Variants in DNA2 observed in about 807,000 individuals in gnomAD.
DNA2 encodes the protein DNA replication ATP-dependent helicase/nuclease DNA2.
DNA2 carries 101 observed loss-of-function variants against 119.1 expected under a neutral mutation model. That is an observed-to-expected ratio of 0.85 (90% confidence interval 0.72 to 1.00). DNA2 has a LOEUF of 1.00. Ranked by LOEUF, DNA2 falls within the 50% of genes least tolerant of loss-of-function variation. The pLI, the probability that DNA2 is intolerant of heterozygous loss-of-function variation, is 0.00. For synonymous variants in DNA2, 366 were observed against 424.4 expected (o/e 0.86, Z 1.69); for missense variants, 1,121 against 1,255.5 (o/e 0.89, Z 1.62).
intron 9 of DNA2, among the ~76,000 whole-genome samples, chr10:68,441,280 G>A (rs1315139943): frequency 6.7e-6 from 1 of 148,714 alleles, no homozygotes; most frequent in African/African-American, 2.5e-5. Context: ...GCTACAGTGA[G>A]CCATGATTGC....
At chr10:68,427,019 A>T (rs1411591263) in intron 14 of DNA2, among the ~76,000 whole-genome samples, 2 of 152,104 alleles carry the variant, frequency 1.3e-5, no homozygotes, top group African/African-American at 4.8e-5. Flanking sequence ...AAAGCATATA[A>T]TCCAAAATGG....
chr10:68,425,270 A>G (rs2051724020), intron 14 of DNA2, among the ~76,000 whole-genome samples: 1 of 149,526 alleles, frequency 6.7e-6, no homozygotes, highest in Non-Finnish European at 1.5e-5. Context: ...AATTTTTTGT[A>G]TTTTTAGTAG....
rs2051594015 is a variant in DNA2 at position 68,416,752 on chromosome 10, G to A, written c.3071C>T (p.Pro1024Leu). The A allele has an allele frequency of 6.2e-7, 1 of 1,613,854 alleles. No individual in the cohort carries two copies. Residue 1024 changes from proline to leucine, a missense_variant, in exon 20 of 21, where the codon CCT becomes CTT. Transcript: ENST00000358410. ...ATGATTAAGCAGCTTCTCCAAAGGA[G>A]GATAGCAATTTAGTGAGGGCACACA... ...LGCVPSLNCY[P>L]PLEKLLNHLN...
At chr10:68,415,843 G>A (rs1480036416) in intron 20 of DNA2, among the ~76,000 whole-genome samples, 3 of 151,378 alleles carry the variant, frequency 2.0e-5, no homozygotes, top group East Asian at 2.0e-4. Flanking sequence ...TAGTAGAGAC[G>A]GGGTTTCACC....
At chr10:68,422,169 G>T in intron 17 of DNA2, 56 bp downstream of exon 17, 1 of 1,383,546 alleles carries the variant, frequency 7.2e-7, no homozygotes, top group South Asian at 1.5e-5. Context: ...TGAAAACTGA[G>T]AAATTTAAAT....
Position 68,430,459 on chromosome 10 carries a change from G to C in DNA2, c.2185C>G (p.Leu729Val), listed in dbSNP as rs2051805017. Reference sequence around the variant, plus strand: ...ACTTGACTATTGTAGAGTTCTTCTAGAAGAGCTAAGGATTTAATGGACTTT... The same window carrying C: ...ACTTGACTATTGTAGAGTTCTTCTACAAGAGCTAAGGATTTAATGGACTTT... ...RSKSIKSLAL[L>V]EELYNSQLIV... Residue 729 changes from leucine (L) to valine (V), a missense_variant, in exon 14 of 21, where the codon CTA becomes GTA. Physicochemically the swap from Leu to Val is conservative, Grantham distance 32. Transcript: ENST00000358410. The C allele has an allele frequency of 2.5e-6, 4 of 1,606,006 alleles. No homozygotes were observed. Among genetic ancestry groups the C allele is most frequent in the African/African-American group, 1.3e-5 (1 of 74,810 alleles).
Position 68,432,308 on chromosome 10 carries a change from G to GT in DNA2, c.1770dup (p.Leu591ThrfsTer7), listed in dbSNP as rs963766296. On this transcript the variant is annotated frameshift_variant, in exon 12 of 21. Coordinates refer to ENST00000358410, the MANE Select transcript of DNA2 (RefSeq NM_001080449.3). LOFTEE classifies it high-confidence loss of function. ...CGAAAGTCAATAATTAAATCTCGAA[G>GT]TTTTTTGCTGAAAAGTGAAAAAGCA... 1.3e-6 allele frequency: 2 copies of GT among 1,596,882 alleles called. No individual in the cohort carries two copies. Among genetic ancestry groups the GT allele is most frequent in the African/African-American group, 1.4e-5 (1 of 73,834 alleles).
intron 14 of DNA2, chr10:68,424,818 C>T (rs190448952): frequency 7.2e-6 from 7 of 975,552 alleles, no homozygotes; most frequent in Admixed American, 1.7e-5. Context: ...GCAGGTGCAG[C>T]GTGAGTAGGC....
At position 68,430,663 on chromosome 10, in the gene DNA2, A is replaced by G; in HGVS notation, c.1984-3T>C. On this transcript the variant is annotated splice_region_variant and splice_polypyrimidine_tract_variant and intron_variant, in intron 13 of 20. Coordinates refer to ENST00000358410, the MANE Select transcript of DNA2 (RefSeq NM_001080449.3). ...CCACAGGCGTAGAGAATTCTTACCT[A>G]ATAATGGGTAAGAGAAAAAAGAAAA... 6.5e-7 allele frequency: 1 copy of G among 1,548,340 alleles called. No individual in the cohort carries two copies. The highest frequency in any genetic ancestry group is 8.7e-7 in the Non-Finnish European group (1 of 1,148,454).
At chr10:68,445,204 C>T (rs2052022738) in intron 7 of DNA2, 121 bp from the exon 8 acceptor site, 1 of 911,646 alleles carries the variant, frequency 1.1e-6, no homozygotes, top group Non-Finnish European at 1.6e-6. Context: ...ATGGCTTACG[C>T]CTGTAATCCC....
At chr10:68,470,278 C>T (rs2052370101) in intron 1 of DNA2, 115 bp from the exon 2 acceptor site, 2 of 914,376 alleles carry the variant, frequency 2.2e-6, no homozygotes, top group Admixed American at 3.4e-5. Flanking sequence ...TTCTGAAAAG[C>T]TTATTGCAAT....
Position 68,422,533 on chromosome 10 carries a change from A to T in DNA2, c.2474T>A (p.Val825Glu). The stretch of plus-strand genomic sequence containing the variant: ...CAAATACCTGTTCATTCTGTACTGC[A>T]CGGTTAACTGTACAACAGCACTCTT... ...QNKSAVVQLT[V>E]QYRMNSKIMS... The change falls in exon 16 of 21, where the codon GTG (valine) becomes GAG (glutamate). Residue 825 changes from valine (V) to glutamate (E), a missense_variant. Transcript: ENST00000358410. 1.2e-6 allele frequency: 2 copies of T among 1,614,020 alleles called. No individual in the cohort carries two copies. The highest frequency in any genetic ancestry group is 1.7e-6 in the Non-Finnish European group (2 of 1,179,868).
chr10:68,416,497 C>G, intron 20 of DNA2: 2 of 471,548 alleles, frequency 4.2e-6, no homozygotes. Context: ...TTAATCTAAT[C>G]ATTTGTTCTG....
At chr10:68,418,965 G>A (rs969982481) in intron 19 of DNA2, 69 bp downstream of exon 19, 53 of 1,435,996 alleles carry the variant, frequency 3.7e-5, no homozygotes, top group Admixed American at 2.6e-4. Context: ...GAGCCACCGC[G>A]CCCGGCCCAC....
chr10:68,421,179 A>AC (rs373462079), intron 17 of DNA2, among the ~76,000 whole-genome samples: 2 of 150,842 alleles, frequency 1.3e-5, no homozygotes, highest in Non-Finnish European at 3.0e-5. Context: ...CCAGTGATCC[A>AC]CCCCCCTCGG....
chr10:68,462,772 C>T (rs1235134954), intron 4 of DNA2, among the ~76,000 whole-genome samples: 2 of 152,194 alleles, frequency 1.3e-5, no homozygotes, highest in Admixed American at 6.5e-5. Context: ...AACTACCTTA[C>T]AGTGTCAGTC....
Position 68,459,163 on chromosome 10 carries a change from C to T in DNA2, c.660G>A (p.Trp220Ter). ...VEDYLPSFCK[W>*]AGDFMHKNTS... is the part of the protein sequence containing the mutation. ...TGTTTTTATGCATGAAATCTCCTGC[C>T]CATTTACAAAACGAAGGAAGATAGT... Residue 220 changes from tryptophan to a stop codon, truncating the protein, a stop_gained, in exon 5 of 21, where the codon TGG becomes TGA. Coordinates refer to ENST00000358410, the MANE Select transcript of DNA2 (RefSeq NM_001080449.3). LOFTEE classifies it high-confidence loss of function. 1 of 1,593,522 alleles carries T rather than the reference C, an allele frequency of 6.3e-7. No homozygotes were observed. The highest frequency in any genetic ancestry group is 8.6e-7 in the Non-Finnish European group (1 of 1,168,954).
chr10:68,466,815 G>T (rs956196363), intron 3 of DNA2, among the ~76,000 whole-genome samples: 1 of 152,050 alleles, frequency 6.6e-6, no homozygotes, highest in Admixed American at 6.6e-5. Context: ...TCCTGACCTC[G>T]TGATCCGCCA....
intron 4 of DNA2, among the ~76,000 whole-genome samples, chr10:68,461,070 A>T (rs962571290): frequency 2.0e-5 from 3 of 152,198 alleles, no homozygotes; most frequent in Admixed American, 6.5e-5. Flanking sequence ...AATGGAAAGT[A>T]GAAATGTAAA....
Sources: gnomAD v4.1 joint callset for allele counts (sites outside exome capture counted in the v4.1 genomes callset) on GRCh38, gnomAD v4.1.1 for gene constraint, MANE v1.5 for transcripts, NCBI Gene and HGNC (gene_info 2026-07-23, HGNC 2026-07-21) for gene names.